Variants in GABRG3 observed in about 807,000 individuals in gnomAD.
The protein encoded by GABRG3 is gamma-aminobutyric acid type A receptor subunit gamma3.
Under a neutral mutation model 48.8 loss-of-function variants are expected in GABRG3, and 25 were observed. The ratio of observed to expected loss-of-function variants is 0.51; its 90% CI spans 0.37 to 0.72. GABRG3 has a LOEUF of 0.72. GABRG3 is among the 30% of genes least tolerant of loss of function. GABRG3 has a pLI of 0.00. For synonymous variants in GABRG3, 227 were observed against 217.6 expected, an observed-to-expected ratio of 1.04 and a Z score of -0.38; for missense variants, 394 against 577.9, an observed-to-expected ratio of 0.68 and a Z score of 3.26.
At chr15:27,188,414 C>A (rs1431765974) in intron 3 of GABRG3, among the ~76,000 whole-genome samples, 4 of 152,284 alleles carry the variant, frequency 2.6e-5, no homozygotes. Flanking sequence ...TTCATGATTG[C>A]CATTCTAACT....
rs138556452 is a variant in GABRG3 at position 27,061,267 on chromosome 15, A to G, written c.270+34446A>G. ...TGCTCTTACATCGCTGGTGCAGTGA[A>G]TGGTGTCCTTGCATCACTCGAACGA... On this transcript the variant is annotated intron_variant, in intron 3 of 9. Coordinates refer to ENST00000615808, the MANE Select transcript of GABRG3 (RefSeq NM_033223.5). 2.6e-3 allele frequency among the ~76,000 whole-genome samples: 403 copies of G among 152,246 alleles called. 4 individuals carry two copies. The highest frequency in any genetic ancestry group is 9.0e-3 in the African/African-American group (376 of 41,568).
intron 1 of GABRG3, 28 bp downstream of exon 1, chr15:26,971,616 G>T: frequency 6.6e-7 from 1 of 1,521,422 alleles, no homozygotes; most frequent in Non-Finnish European, 8.8e-7. Flanking sequence ...CGCATCCCCG[G>T]AGGCCCCGAG....
At chr15:27,358,701 G>T (rs62001312) in intron 5 of GABRG3, among the ~76,000 whole-genome samples, 16,715 of 152,250 alleles carry the variant, frequency 0.11, 988 homozygotes, top group Middle Eastern at 0.17. Flanking sequence ...AACGCCCAGA[G>T]AAAGTACTGC....
intron 3 of GABRG3, among the ~76,000 whole-genome samples, chr15:27,293,522 A>AC (rs1891868663): frequency 1.3e-5 from 2 of 151,658 alleles, no homozygotes; most frequent in South Asian, 4.2e-4. Context: ...AAAATACAAA[A>AC]AAAATTAGCC....
At chr15:27,195,535 T>G (rs1406188816) in intron 3 of GABRG3, among the ~76,000 whole-genome samples, 2 of 152,138 alleles carry the variant, frequency 1.3e-5, no homozygotes, top group African/African-American at 2.4e-5. Context: ...TTTCACCATG[T>G]TGGCCAGGAT....
At chr15:27,205,019 G>A (rs1465104179) in intron 3 of GABRG3, among the ~76,000 whole-genome samples, 1 of 151,626 alleles carries the variant, frequency 6.6e-6, no homozygotes, top group Non-Finnish European at 1.5e-5. Flanking sequence ...CTTCCTATTT[G>A]TGTGTCTTTT....
intron 5 of GABRG3, among the ~76,000 whole-genome samples, chr15:27,460,801 A>C (rs1458986791): frequency 1.3e-5 from 2 of 152,200 alleles, no homozygotes; most frequent in African/African-American, 4.8e-5. Context: ...GCAAAGTCAG[A>C]GTGCAGCCCT....
chr15:27,136,675 T>C (rs895679706), intron 3 of GABRG3, among the ~76,000 whole-genome samples: 19 of 152,148 alleles, frequency 1.2e-4, no homozygotes, highest in African/African-American at 4.6e-4. Flanking sequence ...GAATAAAAAA[T>C]AGCATTTCCC....
chr15:27,468,959 A>G (rs1035981116), intron 5 of GABRG3, among the ~76,000 whole-genome samples: 1 of 152,256 alleles, frequency 6.6e-6, no homozygotes, highest in African/African-American at 2.4e-5. Flanking sequence ...GCCATAGTGC[A>G]TGATAAATTC....
intron 9 of GABRG3, among the ~76,000 whole-genome samples, chr15:27,531,466 G>A (rs1891422856): frequency 6.6e-6 from 1 of 152,176 alleles, no homozygotes; most frequent in Non-Finnish European, 1.5e-5. Context: ...GCTTTCTAAT[G>A]AATTCTGAAT....
chr15:27,228,307 C>T (rs370637138), intron 3 of GABRG3, among the ~76,000 whole-genome samples: 5 of 152,320 alleles, frequency 3.3e-5, no homozygotes, highest in African/African-American at 1.2e-4. Flanking sequence ...TAAATGAGAA[C>T]ATACGGTATC....
At chr15:27,213,298 ATTTAG>A (rs1889131848) in intron 3 of GABRG3, among the ~76,000 whole-genome samples, 2 of 152,208 alleles carry the variant, frequency 1.3e-5, no homozygotes, top group African/African-American at 4.8e-5. Context: ...GTTACCACCA[ATTTAG>A]TTTAAAGATT....
intron 3 of GABRG3, among the ~76,000 whole-genome samples, chr15:27,068,282 G>A (rs1482592573): frequency 6.6e-6 from 1 of 152,260 alleles, no homozygotes; most frequent in Non-Finnish European, 1.5e-5. Context: ...GGTGCTGGGG[G>A]AGATGCTCGC....
chr15:27,392,323 C>T (rs1887157130), intron 5 of GABRG3, among the ~76,000 whole-genome samples: 1 of 152,182 alleles, frequency 6.6e-6, no homozygotes, highest in Non-Finnish European at 1.5e-5. Flanking sequence ...TTGGCTACAA[C>T]AGTTTCTCAG....
intron 5 of GABRG3, among the ~76,000 whole-genome samples, chr15:27,439,485 A>G (rs1888718033): frequency 6.6e-6 from 1 of 152,038 alleles, no homozygotes; most frequent in Non-Finnish European, 1.5e-5. Context: ...CCTACAGACA[A>G]ACACTACCTC....
intron 3 of GABRG3, among the ~76,000 whole-genome samples, chr15:27,093,455 A>G (rs1431062374): frequency 1.3e-5 from 2 of 152,096 alleles, no homozygotes; most frequent in Admixed American, 6.5e-5. Flanking sequence ...ACTGTTTGTT[A>G]TGAGCTGCTA....
At chr15:27,470,588 C>T (rs191354019) in intron 5 of GABRG3, among the ~76,000 whole-genome samples, 1 of 150,490 alleles carries the variant, frequency 6.6e-6, no homozygotes, top group African/African-American at 2.4e-5. Context: ...ACTGTTTATT[C>T]ACAGTTTCTA....
chr15:27,327,655 C>CA (rs1428865324), intron 4 of GABRG3, among the ~76,000 whole-genome samples: 2 of 152,192 alleles, frequency 1.3e-5, no homozygotes, highest in African/African-American at 4.8e-5. Flanking sequence ...TCGCCCAGCA[C>CA]AGGGACTGGA....
Position 27,088,126 on chromosome 15 carries a change from T to TGTGC in GABRG3, c.270+61306_270+61307insTGCG, listed in dbSNP as rs146244115. 6.2e-3 allele frequency among the ~76,000 whole-genome samples: 939 copies of TGTGC among 151,724 alleles called. 16 individuals carry two copies. Among genetic ancestry groups the TGTGC allele is most frequent in the African/African-American group, 0.021 (889 of 41,362 alleles). ...GTGGTTGTGTGTGTGTGTGTGTGTG[T>TGTGC]GCACGCATGTGTGTGGAGAGGCCTG... On this transcript the variant is annotated intron_variant, in intron 3 of 9. Coordinates refer to ENST00000615808, the MANE Select transcript of GABRG3 (RefSeq NM_033223.5).
Sources: gnomAD v4.1 joint callset for allele counts (sites outside exome capture counted in the v4.1 genomes callset) on GRCh38, gnomAD v4.1.1 for gene constraint, MANE v1.5 for transcripts, NCBI Gene and HGNC (gene_info 2026-07-23, HGNC 2026-07-21) for gene names.